CYP7B1: variants seen among roughly 807,000 people sequenced by gnomAD.
CYP7B1 encodes the protein cytochrome P450 7B1.
Under a neutral mutation model 42.7 loss-of-function variants are expected in CYP7B1, and 29 were observed. The observed-to-expected ratio is 0.68, with a 90% CI of 0.51 to 0.93. The LOEUF (loss-of-function observed/expected upper bound fraction) is 0.93. Among genes scored for constraint, CYP7B1 ranks in the 40% least tolerant of loss-of-function variants. The pLI is 0.00. For missense variants in CYP7B1, 655 were observed against 600.5 expected, an observed-to-expected ratio of 1.09 and a Z score of -0.95; for synonymous variants, 235 against 218.2, an observed-to-expected ratio of 1.08 and a Z score of -0.68.
intron 1 of CYP7B1, among the ~76,000 whole-genome samples, chr8:64,782,778 G>A (rs909559067): frequency 2.0e-5 from 3 of 152,052 alleles, no homozygotes; most frequent in African/African-American, 4.8e-5. Context: ...ACTCCTGCAG[G>A]TCCCATGAAT....
At chr8:64,677,610 C>T (rs1382318959) in intron 1 of CYP7B1, among the ~76,000 whole-genome samples, 1 of 150,502 alleles carries the variant, frequency 6.6e-6, no homozygotes, top group Admixed American at 6.6e-5. Context: ...AAAATCTAAT[C>T]TAAAATCACT....
chr8:64,633,329 C>T (rs1805724561), intron 1 of CYP7B1, among the ~76,000 whole-genome samples: 1 of 152,110 alleles, frequency 6.6e-6, no homozygotes. Flanking sequence ...TTTGCTTACT[C>T]ATTCTTTGTC....
chr8:64,616,846 G>T (rs77609115), intron 2 of CYP7B1, among the ~76,000 whole-genome samples: 2,063 of 152,294 alleles, frequency 0.014, 15 homozygotes, highest in Non-Finnish European at 0.024. Context: ...CACTTTTATG[G>T]ATGTGGGAGA....
intron 1 of CYP7B1, among the ~76,000 whole-genome samples, chr8:64,796,060 A>T (rs1563431647): frequency 6.6e-6 from 1 of 152,228 alleles, no homozygotes; most frequent in Non-Finnish European, 1.5e-5. Context: ...CTTTTCAGCC[A>T]TAATTGTTCA....
chr8:64,614,896 T>C (rs528662305), intron 4 of CYP7B1, 130 bp downstream of exon 4: 1 of 813,624 alleles, frequency 1.2e-6, no homozygotes, highest in African/African-American at 1.7e-5. Flanking sequence ...AATTTATAAT[T>C]GATGTAAATG....
At chr8:64,625,225 G>C (rs1382269598) in intron 1 of CYP7B1, among the ~76,000 whole-genome samples, 1 of 151,916 alleles carries the variant, frequency 6.6e-6, no homozygotes, top group Non-Finnish European at 1.5e-5. Flanking sequence ...TGCCCAACTC[G>C]GCCTCCCGAA....
chr8:64,738,535 AACACACACACACGCACAC>A (rs1164388908), intron 1 of CYP7B1, among the ~76,000 whole-genome samples: 2 of 151,688 alleles, frequency 1.3e-5, no homozygotes, highest in Non-Finnish European at 2.9e-5. Context: ...AATACAAGAA[AACACACACACACGCACAC>A]ACACACACAC....
chr8:64,666,757 C>G lies in CYP7B1; in HGVS notation c.123-42218G>C, dbSNP rs183046873. Among the ~76,000 whole-genome samples the G allele has an allele frequency of 9.3e-4, 142 of 152,316 alleles. 3 individuals are homozygous for G. Among genetic ancestry groups the G allele is most frequent in the Admixed American group, 8.6e-3 (132 of 15,298 alleles). On this transcript the variant is annotated intron_variant, in intron 1 of 5. Coordinates refer to ENST00000310193, the MANE Select transcript of CYP7B1 (RefSeq NM_004820.5). ...CAGTATTGTCACTGTTATTTAACATCATGATTATTTGGTTTGCTATAGTCG... is the reference window on the plus strand; with the variant it reads ...CAGTATTGTCACTGTTATTTAACATGATGATTATTTGGTTTGCTATAGTCG...
chr8:64,678,144 C>T (rs1806479934), intron 1 of CYP7B1, among the ~76,000 whole-genome samples: 1 of 152,142 alleles, frequency 6.6e-6, no homozygotes, highest in Admixed American at 6.5e-5. Flanking sequence ...TTCTGTATCA[C>T]TCTCAGTATA....
In CYP7B1 at chr8:64,591,262, T is replaced by A. The variant is rs929745672; in HGVS notation, c.*5380A>T. Among the ~76,000 whole-genome samples, 9 of 152,204 alleles carry A rather than the reference T, an allele frequency of 5.9e-5. No individual in the cohort carries two copies. Among genetic ancestry groups the A allele is most frequent in the Non-Finnish European group, 1.0e-4 (7 of 67,994 alleles). On this transcript the variant is annotated 3_prime_UTR_variant, in exon 6 of 6. Coordinates refer to ENST00000310193, the MANE Select transcript of CYP7B1 (RefSeq NM_004820.5). ...ACTTTAGATAAATACTAAAGAGTTT[T>A]ATGTGATCATTCATTATAATTTAAA...
At chr8:64,618,544 A>G (rs573639954) in intron 2 of CYP7B1, among the ~76,000 whole-genome samples, 1 of 149,702 alleles carries the variant, frequency 6.7e-6, no homozygotes, top group South Asian at 2.1e-4. Context: ...TTTTGTCTAC[A>G]ATCATTACAA....
chr8:64,691,489 G>GGT (rs1057339496), intron 1 of CYP7B1, among the ~76,000 whole-genome samples: 8 of 145,210 alleles, frequency 5.5e-5, no homozygotes, highest in Admixed American at 3.4e-4. Context: ...AACTGGGGGG[G>GGT]GGGGGTGGTG....
In CYP7B1 at chr8:64,798,608, G is replaced by A; in HGVS notation, c.-21C>T. ...GCCATCCGGCGCGCGCTAGGCCGCG[G>A]TGGGCAGCCCGGGGTCTGCCTGCGA... On this transcript the variant is annotated 5_prime_UTR_variant, in exon 1 of 6. Coordinates refer to ENST00000310193, the MANE Select transcript of CYP7B1 (RefSeq NM_004820.5). The A allele has an allele frequency of 6.9e-7, 1 of 1,453,806 alleles. No individual in the cohort carries two copies. Among genetic ancestry groups the A allele is most frequent in the South Asian group, 1.4e-5 (1 of 73,456 alleles). 90.1% of individuals were successfully genotyped at this position (1,453,806 alleles called of 1,614,324 possible).
At chr8:64,611,020 C>T (rs1365104973) in intron 4 of CYP7B1, among the ~76,000 whole-genome samples, 3 of 152,128 alleles carry the variant, frequency 2.0e-5, no homozygotes, top group Non-Finnish European at 2.9e-5. Context: ...TTAATATTAT[C>T]ATTCATAATA....
At chr8:64,705,294 C>T (rs781568148) in intron 1 of CYP7B1, among the ~76,000 whole-genome samples, 1 of 151,764 alleles carries the variant, frequency 6.6e-6, no homozygotes, top group African/African-American at 2.4e-5. Context: ...TATCTACAGC[C>T]GTGATTAGAA....
At chr8:64,629,951 G>A (rs767812668) in intron 1 of CYP7B1, among the ~76,000 whole-genome samples, 2 of 152,286 alleles carry the variant, frequency 1.3e-5, no homozygotes, top group Non-Finnish European at 2.9e-5. Flanking sequence ...GAGGCCTGGT[G>A]GGGACAAGGA....
intron 1 of CYP7B1, among the ~76,000 whole-genome samples, chr8:64,726,360 A>G (rs539747832): frequency 6.6e-6 from 1 of 152,224 alleles, no homozygotes; most frequent in Non-Finnish European, 1.5e-5. Context: ...TTTAAATTCA[A>G]TTTAATAGAA....
intron 1 of CYP7B1, among the ~76,000 whole-genome samples, chr8:64,796,577 C>T (rs1415828469): frequency 3.3e-5 from 5 of 152,118 alleles, no homozygotes; most frequent in Non-Finnish European, 7.4e-5. Flanking sequence ...ACATAAAGCA[C>T]ACATACATTT....
intron 1 of CYP7B1, among the ~76,000 whole-genome samples, chr8:64,762,513 G>A (rs964087812): frequency 9.9e-5 from 15 of 152,110 alleles, no homozygotes; most frequent in African/African-American, 3.4e-4. Context: ...AAACTAAAAT[G>A]CAAATAGGTA....
Sources: allele counts gnomAD v4.1 joint callset (sites outside exome capture counted in the v4.1 genomes callset), GRCh38; gene constraint gnomAD v4.1.1; transcripts MANE v1.5; gene names NCBI Gene and HGNC (gene_info 2026-07-23, HGNC 2026-07-21).